GRM1: variants seen among roughly 807,000 people sequenced by gnomAD.
The protein encoded by GRM1 is glutamate metabotropic receptor 1.
A neutral mutation model predicts 90.9 loss-of-function variants in GRM1; 33 were observed. The ratio of observed to expected loss-of-function variants is 0.36; its 90% CI spans 0.28 to 0.49. The LOEUF (loss-of-function observed/expected upper bound fraction) is 0.49. GRM1 is among the 20% of genes least tolerant of loss of function. The pLI, the probability that GRM1 is intolerant of heterozygous loss-of-function variation, is 0.99. For synonymous variants in GRM1, 700 were observed against 613.2 expected (o/e 1.14, Z -2.09); for missense variants, 1,190 against 1,534.3 (o/e 0.78, Z 3.75).
chr6:146,238,012 T>C (rs1411719910), intron 2 of GRM1, among the ~76,000 whole-genome samples: 1 of 152,184 alleles, frequency 6.6e-6, no homozygotes, highest in Non-Finnish European at 1.5e-5. Context: ...TCACAGCTGC[T>C]AACTAATGGG....
Position 146,048,972 on chromosome 6 carries a change from G to A in GRM1, c.700+18755G>A, listed in dbSNP as rs117396367. 4.7e-3 allele frequency among the ~76,000 whole-genome samples: 721 copies of A among 151,994 alleles called. 18 individuals carry two copies. The East Asian group carries it at 0.071, about 15-fold the overall frequency. On this transcript the variant is annotated intron_variant, in intron 1 of 7. Coordinates refer to ENST00000282753, the MANE Select transcript of GRM1 (RefSeq NM_001278064.2). The stretch of plus-strand genomic sequence containing the variant: ...CAGTGTATGCTACTTTGTTACAGCA[G>A]CCCTAGAGAACTAATACAGTTCTTT...
rs898438754 is a variant in GRM1 at position 146,150,208 on chromosome 6, T to A, written c.701-9140T>A. Among the ~76,000 whole-genome samples, 6 of 152,098 alleles carry A rather than the reference T, an allele frequency of 3.9e-5. No homozygotes were observed. In the East Asian group the frequency reaches 1.2e-3, roughly 29 times the overall value. Reference sequence around the variant, plus strand: ...GACAACCTCCCCTCTCCCCAAAGAATAATTTAAACCAGCTGATATCTGTCT... The same window carrying A: ...GACAACCTCCCCTCTCCCCAAAGAAAAATTTAAACCAGCTGATATCTGTCT... On this transcript the variant is annotated intron_variant, in intron 1 of 7. Transcript: ENST00000282753.
At chr6:146,126,498 G>A (rs1000587089) in intron 1 of GRM1, among the ~76,000 whole-genome samples, 11 of 152,010 alleles carry the variant, frequency 7.2e-5, no homozygotes, top group Non-Finnish European at 1.5e-4. Flanking sequence ...AAGCAAGCTC[G>A]TTTTCTAAAA....
intron 1 of GRM1, among the ~76,000 whole-genome samples, chr6:146,068,690 A>G (rs908875907): frequency 1.3e-5 from 2 of 152,220 alleles, no homozygotes; most frequent in African/African-American, 4.8e-5. Context: ...TGAGAGTAAT[A>G]TTAGAAAAGC....
rs539110850 is a variant in GRM1 at position 146,285,220 on chromosome 6, T to A, written c.951-19391T>A. 3.9e-5 allele frequency among the ~76,000 whole-genome samples: 6 copies of A among 152,310 alleles called. No homozygotes were observed. In the East Asian group the frequency reaches 1.2e-3, roughly 29 times the overall value. ...AAACTGAACACATTTCAGGCCAAAC[T>A]CTTGACTTCTCCTTTCTTGATTTTC... On this transcript the variant is annotated intron_variant, in intron 2 of 7. Transcript: ENST00000282753.
chr6:146,342,414 C>A (rs1785016231), intron 3 of GRM1, among the ~76,000 whole-genome samples: 2 of 152,182 alleles, frequency 1.3e-5, no homozygotes, highest in African/African-American at 4.8e-5. Flanking sequence ...TGACAAATAT[C>A]ACATCTTCCC....
At chr6:146,116,737 T>G (rs550430209) in intron 1 of GRM1, among the ~76,000 whole-genome samples, 3 of 152,258 alleles carry the variant, frequency 2.0e-5, no homozygotes, top group Non-Finnish European at 4.4e-5. Context: ...TGGGGAGAGA[T>G]AAGTCTTTTA....
At chr6:146,368,262 G>T (rs868802281) in intron 5 of GRM1, among the ~76,000 whole-genome samples, 2,119 of 118,946 alleles carry the variant, frequency 0.018, 92 homozygotes, top group African/African-American at 0.052. Flanking sequence ...TTTTTTTTTG[G>T]GGGGGGGGGT....
At chr6:146,087,972 C>G (rs564353139) in intron 1 of GRM1, among the ~76,000 whole-genome samples, 1 of 152,146 alleles carries the variant, frequency 6.6e-6, no homozygotes, top group Non-Finnish European at 1.5e-5. Flanking sequence ...TGCTATTGCT[C>G]ATTTGCATGC....
chr6:146,341,708 G>A (rs563601866), intron 3 of GRM1, among the ~76,000 whole-genome samples: 74 of 152,278 alleles, frequency 4.9e-4, no homozygotes, highest in Non-Finnish European at 4.4e-4. Context: ...GCTAAACTCC[G>A]TATGTTCCTC....
chr6:146,333,078 G>T (rs1343173086), intron 3 of GRM1, among the ~76,000 whole-genome samples: 2 of 152,160 alleles, frequency 1.3e-5, no homozygotes, highest in Admixed American at 1.3e-4. Context: ...TTGAATACTT[G>T]TCTGTGAATA....
intron 2 of GRM1, among the ~76,000 whole-genome samples, chr6:146,164,753 T>C (rs1777849637): frequency 6.6e-6 from 1 of 152,104 alleles, no homozygotes; most frequent in African/African-American, 2.4e-5. Context: ...GCCTCCTGAC[T>C]TTAGTCCTTT....
At chr6:146,387,095 T>A (rs915996192) in intron 6 of GRM1, 79 bp downstream of exon 6, 4 of 1,307,686 alleles carry the variant, frequency 3.1e-6, no homozygotes, top group Middle Eastern at 3.6e-4. Flanking sequence ...TGAGAATGAT[T>A]AGCTCATGTC....
At chr6:146,150,293 A>G (rs1168220601) in intron 1 of GRM1, among the ~76,000 whole-genome samples, 2 of 152,188 alleles carry the variant, frequency 1.3e-5, no homozygotes, top group African/African-American at 2.4e-5. Context: ...ATTTAGGTAA[A>G]AAAGAATTTC....
At position 146,159,402 on chromosome 6, in the gene GRM1, G is replaced by A. The variant is rs1223264890; in HGVS notation, c.755G>A (p.Gly252Asp). The A allele has an allele frequency of 1.9e-6, 3 of 1,614,042 alleles. No individual in the cohort carries two copies. The highest frequency in any genetic ancestry group is 2.5e-6 in the Non-Finnish European group (3 of 1,180,000). ...DAFKELAAQE[G>D]LCIAHSDKIY... Reference sequence around the variant, plus strand: ...TTCAAAGAGCTGGCTGCCCAGGAAGGCCTCTGTATCGCCCATTCTGACAAA... The same window carrying A: ...TTCAAAGAGCTGGCTGCCCAGGAAGACCTCTGTATCGCCCATTCTGACAAA... Residue 252 changes from glycine (G) to aspartate (D), a missense_variant, in exon 2 of 8, where the codon GGC becomes GAC. Physicochemically the swap from Gly to Asp is moderately conservative, Grantham distance 94. Transcript: ENST00000282753.
intron 1 of GRM1, among the ~76,000 whole-genome samples, chr6:146,146,981 T>TA (rs1202926607): frequency 1.3e-5 from 2 of 152,152 alleles, no homozygotes; most frequent in Non-Finnish European, 2.9e-5. Flanking sequence ...ATTTACTGGC[T>TA]AAAAAAAGAA....
intron 5 of GRM1, among the ~76,000 whole-genome samples, chr6:146,379,515 A>G (rs534218417): frequency 6.6e-6 from 1 of 152,248 alleles, no homozygotes; most frequent in Admixed American, 6.5e-5. Flanking sequence ...TTTCCTCAAC[A>G]CAGCTATTTT....
intron 1 of GRM1, among the ~76,000 whole-genome samples, chr6:146,149,233 TA>T (rs1182370208): frequency 6.6e-6 from 1 of 152,070 alleles, no homozygotes; most frequent in East Asian, 1.9e-4. Context: ...ACCTAAACAC[TA>T]AAAGCCCCAA....
rs377084106 is a variant in GRM1 at position 146,182,747 on chromosome 6, T to C, written c.950+23150T>C. Among the ~76,000 whole-genome samples the C allele has an allele frequency of 3.0e-4, 45 of 152,210 alleles. No homozygotes were observed. In the Middle Eastern group the frequency reaches 0.014, roughly 46 times the overall value. ...GAATGAGATGCAGTAATTTACAACATGAAACAAGACATACATACTGGGGTT... is the reference window on the plus strand; with the variant it reads ...GAATGAGATGCAGTAATTTACAACACGAAACAAGACATACATACTGGGGTT... On this transcript the variant is annotated intron_variant, in intron 2 of 7. Transcript: ENST00000282753.
Sources: gnomAD v4.1 joint callset for allele counts (sites outside exome capture counted in the v4.1 genomes callset) on GRCh38, gnomAD v4.1.1 for gene constraint, MANE v1.5 for transcripts, NCBI Gene and HGNC (gene_info 2026-07-23, HGNC 2026-07-21) for gene names.